NTM: variants seen among roughly 807,000 people sequenced by gnomAD.
The protein encoded by NTM is neurotrimin.
Under a neutral mutation model 42.1 loss-of-function variants are expected in NTM, and 13 were observed. The ratio of observed to expected loss-of-function variants is 0.31; its 90% CI spans 0.20 to 0.49. The LOEUF (loss-of-function observed/expected upper bound fraction) is 0.49, where lower values mean the gene tolerates loss of function less well. NTM is among the 20% of genes least tolerant of loss of function. NTM has a pLI of 0.99. For missense variants in NTM, 373 were observed against 452.8 expected, an observed-to-expected ratio of 0.82 and a Z score of 1.60; for synonymous variants, 187 against 179.2, an observed-to-expected ratio of 1.04 and a Z score of -0.35.
At chr11:132,181,859 C>T (rs61905994) in intron 3 of NTM, among the ~76,000 whole-genome samples, 5,220 of 152,056 alleles carry the variant, frequency 0.034, 140 homozygotes, top group African/African-American at 0.068. Flanking sequence ...ATCCAGTAGA[C>T]AGAGACCAGG....
intron 4 of NTM, among the ~76,000 whole-genome samples, chr11:132,212,695 T>C (rs1324474969): frequency 2.6e-5 from 4 of 152,248 alleles, no homozygotes; most frequent in African/African-American, 9.6e-5. Flanking sequence ...TTTATCTGAA[T>C]GCTCAGATGT....
chr11:132,277,768 A>G (rs1309621060), intron 4 of NTM, among the ~76,000 whole-genome samples: 3 of 152,146 alleles, frequency 2.0e-5, no homozygotes, highest in Non-Finnish European at 2.9e-5. Context: ...AACCAAAATG[A>G]GATTGTTACA....
chr11:132,252,801 A>T (rs1009109219), intron 4 of NTM, among the ~76,000 whole-genome samples: 4 of 152,186 alleles, frequency 2.6e-5, no homozygotes, highest in African/African-American at 9.7e-5. Flanking sequence ...TGAAAGGTTA[A>T]TGGGTATTTA....
chr11:131,531,820 C>T (rs1344897475), intron 1 of NTM, among the ~76,000 whole-genome samples: 1 of 152,126 alleles, frequency 6.6e-6, no homozygotes, highest in African/African-American at 2.4e-5. Context: ...GGGGAATTAA[C>T]TGAAGCTTCT....
intron 1 of NTM, among the ~76,000 whole-genome samples, chr11:131,489,475 T>G (rs1954537859): frequency 6.6e-6 from 1 of 152,252 alleles, no homozygotes; most frequent in Non-Finnish European, 1.5e-5. Context: ...CTCGCTACTT[T>G]GCGTGTGTAA....
intron 1 of NTM, among the ~76,000 whole-genome samples, chr11:131,893,747 T>C (rs2051764719): frequency 6.6e-6 from 1 of 152,176 alleles, no homozygotes; most frequent in South Asian, 2.1e-4. Context: ...GTGGGGTGTG[T>C]CCATGCTCAG....
chr11:131,647,533 T>C (rs1004981391), intron 1 of NTM, among the ~76,000 whole-genome samples: 11 of 152,226 alleles, frequency 7.2e-5, no homozygotes, highest in African/African-American at 2.7e-4. Flanking sequence ...TGATCTGACA[T>C]ACAATCAGCT....
At chr11:132,087,917 C>T (rs1793626) in intron 2 of NTM, among the ~76,000 whole-genome samples, 41,191 of 152,074 alleles carry the variant, frequency 0.27, 5,786 homozygotes, top group Non-Finnish European at 0.32. Context: ...GCTGGCCAGC[C>T]GGCTGCACAG....
chr11:131,761,413 T>C (rs2084157984), intron 1 of NTM, among the ~76,000 whole-genome samples: 1 of 152,124 alleles, frequency 6.6e-6, no homozygotes, highest in Non-Finnish European at 1.5e-5. Context: ...ACTTTTAGCA[T>C]CTGAATAATG....
intron 1 of NTM, among the ~76,000 whole-genome samples, chr11:131,803,018 T>C (rs2092255639): frequency 6.6e-6 from 1 of 152,154 alleles, no homozygotes; most frequent in Non-Finnish European, 1.5e-5. Context: ...CATCAGCCAA[T>C]AATTCTAGCA....
At chr11:132,034,507 G>A (rs1178325836) in intron 2 of NTM, among the ~76,000 whole-genome samples, 3 of 152,190 alleles carry the variant, frequency 2.0e-5, no homozygotes, top group Admixed American at 1.3e-4. Flanking sequence ...AGCTCAAGTG[G>A]GCAACTGGAT....
At chr11:131,789,839 C>T (rs892366462) in intron 1 of NTM, among the ~76,000 whole-genome samples, 4 of 150,324 alleles carry the variant, frequency 2.7e-5, no homozygotes, top group Non-Finnish European at 3.0e-5. Context: ...GCCTGTAGTC[C>T]CAGCTACACG....
chr11:131,878,595 ATATATATATATATATATAT>A (rs1161213446), intron 1 of NTM, among the ~76,000 whole-genome samples: 335 of 11,150 alleles, frequency 0.03, 78 homozygotes, highest in Non-Finnish European at 0.049. Context: ...AAAAAAAAAA[ATATATATATATATATATAT>A]ATATATATAT....
Position 132,080,800 on chromosome 11 carries a change from T to G in NTM, c.168-65482T>G, listed in dbSNP as rs184912255. On this transcript the variant is annotated intron_variant, in intron 2 of 8. Transcript: ENST00000683400. ...AAAAAAACTGTGAAATGTGCTTGTTTCATATGATGCTTTTCTGAGAGGTTG... is the reference window on the plus strand; with the variant it reads ...AAAAAAACTGTGAAATGTGCTTGTTGCATATGATGCTTTTCTGAGAGGTTG... Among the ~76,000 whole-genome samples the G allele has an allele frequency of 2.0e-5, 3 of 152,352 alleles. No individual in the cohort carries two copies. The East Asian group carries it at 5.8e-4, about 29-fold the overall frequency.
At chr11:132,044,475 AGAG>A (rs1339752527) in intron 2 of NTM, among the ~76,000 whole-genome samples, 3 of 152,192 alleles carry the variant, frequency 2.0e-5, no homozygotes, top group African/African-American at 7.2e-5. Context: ...TGTCTGTTCA[AGAG>A]GAGGACCCCT....
At chr11:131,652,565 G>T (rs969960225) in intron 1 of NTM, among the ~76,000 whole-genome samples, 1 of 152,202 alleles carries the variant, frequency 6.6e-6, no homozygotes. Context: ...CAGCACTGTT[G>T]TCAAATACTT....
chr11:131,815,439 T>A (rs1347455041), intron 1 of NTM, among the ~76,000 whole-genome samples: 1 of 152,072 alleles, frequency 6.6e-6, no homozygotes. Flanking sequence ...GCAGGCACCA[T>A]CCCTCCTCCC....
In NTM at chr11:131,541,431, T is replaced by C. The variant is rs542846883; in HGVS notation, c.82+170543T>C. On this transcript the variant is annotated intron_variant, in intron 1 of 8. Transcript: ENST00000683400. ...CCTGGGTTACTTCTGGAATATATGTTACCTACAATACATAAAGAGAGTAGA... is the reference window on the plus strand; with the variant it reads ...CCTGGGTTACTTCTGGAATATATGTCACCTACAATACATAAAGAGAGTAGA... Among the ~76,000 whole-genome samples the C allele has an allele frequency of 1.7e-4, 26 of 152,340 alleles. No homozygotes were observed. The South Asian group carries it at 4.4e-3, about 26-fold the overall frequency.
At chr11:132,223,964 T>C (rs933727576) in intron 4 of NTM, among the ~76,000 whole-genome samples, 2 of 152,170 alleles carry the variant, frequency 1.3e-5, no homozygotes, top group Non-Finnish European at 2.9e-5. Flanking sequence ...TAGTGACAAG[T>C]TGGGCTGTGA....
Sources: allele counts gnomAD v4.1 joint callset (sites outside exome capture counted in the v4.1 genomes callset), GRCh38; gene constraint gnomAD v4.1.1; transcripts MANE v1.5; gene names NCBI Gene and HGNC (gene_info 2026-07-23, HGNC 2026-07-21).